Variants in SFRP1 observed in about 807,000 individuals in gnomAD.
SFRP1 encodes the protein secreted frizzled-related protein 1.
A neutral mutation model predicts 25.9 loss-of-function variants in SFRP1; 9 were observed. That is an observed-to-expected ratio of 0.35 (90% CI 0.21 to 0.61). The LOEUF (loss-of-function observed/expected upper bound fraction) is 0.61, where lower values mean the gene tolerates loss of function less well. Among genes scored for constraint, SFRP1 ranks in the 20% least tolerant of loss-of-function variants. The pLI is 0.78. For missense variants in SFRP1, 346 were observed against 418.2 expected, an observed-to-expected ratio of 0.83 and a Z score of 1.51; for synonymous variants, 178 against 174.0, an observed-to-expected ratio of 1.02 and a Z score of -0.18.
rs751942496 is a variant in SFRP1 at position 41,262,816 on chromosome 8, G to A, written c.*2351C>T. The stretch of plus-strand genomic sequence containing the variant: ...TGTGCCTACAGAGAGCCTCCCTTTT[G>A]GTTCTGAAATTGCTGATGTGACAGA... On this transcript the variant is annotated 3_prime_UTR_variant, in exon 3 of 3. Transcript: ENST00000220772. 6.6e-6 allele frequency: 1 copy of A among 152,156 alleles called. No homozygotes were observed. The highest frequency in any genetic ancestry group is 1.5e-5 in the Non-Finnish European group (1 of 68,036). The allele number at this position is 152,156 out of a possible 1,614,324, so 9.4% of individuals were successfully genotyped here.
At chr8:41,299,988 G>C (rs1385732293) in intron 2 of SFRP1, among the ~76,000 whole-genome samples, 2 of 152,216 alleles carry the variant, frequency 1.3e-5, no homozygotes, top group African/African-American at 2.4e-5. Flanking sequence ...AGGTGCCGCA[G>C]TGACTGTGCT....
chr8:41,283,535 C>T (rs1207436668), intron 2 of SFRP1, among the ~76,000 whole-genome samples: 6 of 151,106 alleles, frequency 4.0e-5, no homozygotes, highest in African/African-American at 7.3e-5. Flanking sequence ...TTCAGATCAA[C>T]GCTATTTTTA....
At chr8:41,303,570 T>C in intron 1 of SFRP1, 32 bp from the exon 2 acceptor site, 2 of 1,571,726 alleles carry the variant, frequency 1.3e-6, no homozygotes, top group Non-Finnish European at 1.8e-6. Context: ...AACGGAACTG[T>C]AAGTTACAGA....
intron 2 of SFRP1, chr8:41,276,991 C>T (rs756890294): frequency 4.4e-6 from 2 of 456,356 alleles, no homozygotes; most frequent in South Asian, 3.1e-5. Flanking sequence ...CATCCAGAAT[C>T]CTGCTGCTAA....
In SFRP1 at chr8:41,309,347, G is replaced by T; in HGVS notation, c.-188C>A. On this transcript the variant is annotated 5_prime_UTR_variant, in exon 1 of 3. Coordinates refer to ENST00000220772, the MANE Select transcript of SFRP1 (RefSeq NM_003012.5). ...GGCGGCCCTCGGCCTGCGGTCGGAGGCGGCGCGGGCGGGGAGGCGGCGCTG... is the reference window on the plus strand; with the variant it reads ...GGCGGCCCTCGGCCTGCGGTCGGAGTCGGCGCGGGCGGGGAGGCGGCGCTG... The T allele has an allele frequency of 1.9e-6, 1 of 520,410 alleles. No individual in the cohort carries two copies. Among genetic ancestry groups the T allele is most frequent in the Non-Finnish European group, 2.7e-6 (1 of 368,058 alleles). 32.2% of individuals were successfully genotyped at this position (520,410 alleles called of 1,614,324 possible). A position where few individuals can be genotyped will look rare whatever the true frequency, so the allele number is the denominator to read the frequency against.
intron 2 of SFRP1, among the ~76,000 whole-genome samples, chr8:41,291,965 A>G (rs778352797): frequency 6.6e-6 from 1 of 151,986 alleles, no homozygotes; most frequent in Non-Finnish European, 1.5e-5. Context: ...GGCCAGGGGC[A>G]CCCCAATACA....
intron 1 of SFRP1, among the ~76,000 whole-genome samples, chr8:41,305,352 T>G (rs772782175): frequency 1.1e-4 from 16 of 152,358 alleles, no homozygotes; most frequent in African/African-American, 3.4e-4. Context: ...AGGAGGGCTC[T>G]GCACTTCTCA....
At position 41,308,903 on chromosome 8, in the gene SFRP1, G is replaced by C. The variant is rs374492383; in HGVS notation, c.257C>G (p.Thr86Ser). The change falls in exon 1 of 3, where the codon ACC (threonine) becomes AGC (serine). Residue 86 changes from threonine (T) to serine (S), a missense_variant. By Grantham distance (58) the Thr-to-Ser change is moderately conservative. Coordinates refer to ENST00000220772, the MANE Select transcript of SFRP1 (RefSeq NM_003012.5). The stretch of plus-strand genomic sequence containing the variant: ...GGCCTGCTGCTTCACCTCCGCCATG[G>C]TCTCGTGCTCCAGCAGGTTGGGCAG... The part of the protein sequence containing the change: ...MVLPNLLEHE[T>S]MAEVKQQASS... The C allele has an allele frequency of 9.9e-6, 16 of 1,612,420 alleles. No individual in the cohort carries two copies. The African/African-American group carries it at 2.1e-4, about 22-fold the overall frequency.
chr8:41,294,727 C>T (rs151313421), intron 2 of SFRP1, among the ~76,000 whole-genome samples: 1 of 152,140 alleles, frequency 6.6e-6, no homozygotes, highest in Non-Finnish European at 1.5e-5. Flanking sequence ...TTACAGCCCC[C>T]CAAACCTAAC....
chr8:41,298,428 A>G (rs962820279), intron 2 of SFRP1, among the ~76,000 whole-genome samples: 3 of 150,606 alleles, frequency 2.0e-5, no homozygotes, highest in Non-Finnish European at 4.4e-5. Flanking sequence ...TTTTTTTTTG[A>G]GACAGTCTTG....
chr8:41,284,954 C>T (rs950204115), intron 2 of SFRP1, among the ~76,000 whole-genome samples: 3 of 152,356 alleles, frequency 2.0e-5, no homozygotes, highest in African/African-American at 7.2e-5. Context: ...CTTCCCTACG[C>T]CCCACAGATG....
intron 2 of SFRP1, among the ~76,000 whole-genome samples, chr8:41,266,422 G>C (rs192869824): frequency 6.6e-6 from 1 of 152,114 alleles, no homozygotes; most frequent in East Asian, 1.9e-4. Flanking sequence ...AAAAAATCCT[G>C]AGTGTTTTTG....
At chr8:41,296,734 G>T (rs1803848345) in intron 2 of SFRP1, among the ~76,000 whole-genome samples, 2 of 152,060 alleles carry the variant, frequency 1.3e-5, no homozygotes, top group African/African-American at 4.8e-5. Flanking sequence ...CAGCACAAAG[G>T]GGCTCTGAAG....
intron 2 of SFRP1, among the ~76,000 whole-genome samples, chr8:41,295,744 ATT>A (rs375196464): frequency 1.4e-4 from 21 of 144,928 alleles, no homozygotes; most frequent in African/African-American, 4.6e-4. Flanking sequence ...TATCTGCAGC[ATT>A]TTTTTTTTTT....
At chr8:41,272,207 T>C (rs1803518217) in intron 2 of SFRP1, among the ~76,000 whole-genome samples, 1 of 152,200 alleles carries the variant, frequency 6.6e-6, no homozygotes, top group South Asian at 2.1e-4. Flanking sequence ...AATTAAACAT[T>C]CAATATTAAC....
At chr8:41,299,127 G>A (rs372852596) in intron 2 of SFRP1, among the ~76,000 whole-genome samples, 59 of 151,632 alleles carry the variant, frequency 3.9e-4, no homozygotes, top group African/African-American at 1.3e-3. Flanking sequence ...GCACAAGAAG[G>A]CTGCTCAGAA....
intron 2 of SFRP1, among the ~76,000 whole-genome samples, 189 bp downstream of exon 2, chr8:41,303,272 T>G (rs960281709): frequency 6.6e-6 from 1 of 151,826 alleles, no homozygotes; most frequent in African/African-American, 2.4e-5. Context: ...AGTATGGCCT[T>G]CATCAAAACT....
intron 2 of SFRP1, chr8:41,276,842 C>T: frequency 6.9e-6 from 3 of 433,594 alleles, no homozygotes; most frequent in South Asian, 4.9e-5. Flanking sequence ...GGTGGCCAGG[C>T]AGGAGAGTAG....
chr8:41,281,859 G>A (rs966117656), intron 2 of SFRP1, among the ~76,000 whole-genome samples: 4 of 152,136 alleles, frequency 2.6e-5, no homozygotes, highest in Admixed American at 6.5e-5. Context: ...TGGTGTTCTC[G>A]CCTACCCTGA....
Sources: allele counts gnomAD v4.1 joint callset (sites outside exome capture counted in the v4.1 genomes callset), GRCh38; gene constraint gnomAD v4.1.1; transcripts MANE v1.5; gene names NCBI Gene and HGNC (gene_info 2026-07-23, HGNC 2026-07-21).